Variants in CA12 observed in about 807,000 individuals in gnomAD.
The protein encoded by CA12 is carbonate dehydratase XII.
A neutral mutation model predicts 46.8 loss-of-function variants in CA12; 36 were observed. The observed-to-expected ratio is 0.77, with a 90% CI of 0.59 to 1.02. CA12 has a LOEUF of 1.02. CA12 is among the 50% of genes least tolerant of loss of function. CA12 has a pLI of 0.00. For synonymous variants in CA12, 202 were observed against 187.0 expected (o/e 1.08, Z -0.65); for missense variants, 436 against 451.4 (o/e 0.97, Z 0.31).
At chr15:63,346,887 C>T (rs72748934) in intron 2 of CA12, among the ~76,000 whole-genome samples, 178 bp from the exon 3 acceptor site, 3 of 152,230 alleles carry the variant, frequency 2.0e-5, no homozygotes, top group Non-Finnish European at 4.4e-5. Context: ...CACTCAGGAC[C>T]ACCTGCTCTT....
rs576688165 is a variant in CA12 at position 63,354,870 on chromosome 15, C to T, written c.107-8161G>A. 5.3e-5 allele frequency among the ~76,000 whole-genome samples: 8 copies of T among 152,244 alleles called. No individual in the cohort carries two copies. In the East Asian group the frequency reaches 7.7e-4, roughly 15 times the overall value. ...CTCAGGAAGTCCTTCTCCTCCACCC[C>T]GCCAATAATCCCCGTCTAATATTGC... On this transcript the variant is annotated intron_variant, in intron 2 of 10. Transcript: ENST00000178638.
At chr15:63,370,785 A>G (rs1006393829) in intron 2 of CA12, among the ~76,000 whole-genome samples, 16 of 151,222 alleles carry the variant, frequency 1.1e-4, no homozygotes, top group Non-Finnish European at 1.9e-4. Flanking sequence ...AAAAAAAAAG[A>G]AAAAAAAGAA....
In CA12 at chr15:63,340,095, T is replaced by C; in HGVS notation, c.747+193A>G. The stretch of plus-strand genomic sequence containing the variant: ...AAAGAACTAGGAGACATCTATTCAT[T>C]TGCCTAGCTTGACTTCTTTTGAAGC... On this transcript the variant is annotated intron_variant, in intron 7 of 10. Transcript: ENST00000178638. This position sits in a 1 kb window ranked among gnomAD's most constrained non-coding sequence, Gnocchi z 4.4. 1 of 671,276 alleles carries C rather than the reference T, an allele frequency of 1.5e-6. No individual in the cohort carries two copies. The highest frequency in any genetic ancestry group is 2.8e-5 in the East Asian group (1 of 36,234). The allele number at this position is 671,276 out of a possible 1,614,324, so 41.6% of individuals were successfully genotyped here. A position where few individuals can be genotyped will look rare whatever the true frequency, so the allele number is the denominator to read the frequency against.
intron 4 of CA12, 24 bp from the exon 5 acceptor site, chr15:63,342,121 AT>A: frequency 6.8e-7 from 1 of 1,470,058 alleles, no homozygotes; most frequent in Non-Finnish European, 9.5e-7. Context: ...GAAGCCACCC[AT>A]TAGGAGATAA....
chr15:63,375,656 A>G lies in CA12; in HGVS notation c.106+2T>C. On this transcript the variant is annotated splice_donor_variant, in intron 2 of 10. Transcript: ENST00000178638. LOFTEE classifies it high-confidence loss of function. ...AAAAAAGTATTTAAAATCTCTACTT[A>G]CCAAAATAAGTCCACTTGGAACCTA... 6.4e-7 allele frequency: 1 copy of G among 1,556,460 alleles called. No homozygotes were observed. Among genetic ancestry groups the G allele is most frequent in the African/African-American group, 1.4e-5 (1 of 73,926 alleles).
At chr15:63,359,512 TACACACAC>T in intron 2 of CA12, among the ~76,000 whole-genome samples, 1 of 151,386 alleles carries the variant, frequency 6.6e-6, no homozygotes, top group South Asian at 2.1e-4. Context: ...CATATATATG[TACACACAC>T]ACACACATAC....
rs1448913671 is a variant in CA12 at position 63,355,575 on chromosome 15, C to T, written c.107-8866G>A. Among the ~76,000 whole-genome samples, 1 of 152,264 alleles carries T rather than the reference C, an allele frequency of 6.6e-6. No individual in the cohort carries two copies. The highest frequency in any genetic ancestry group is 2.4e-5 in the African/African-American group (1 of 41,474). On this transcript the variant is annotated intron_variant, in intron 2 of 10. Coordinates refer to ENST00000178638, the MANE Select transcript of CA12 (RefSeq NM_001218.5). The surrounding 1 kb of genome is among the most constrained non-coding windows in gnomAD (Gnocchi z 4.1). ...GAGAAGCGCTGCACTAGACTGTCAG[C>T]TCGCTTTCTGCATGCGTGTACACCT...
Position 63,322,730 on chromosome 15 carries a change from C to T in CA12, c.*3555G>A, listed in dbSNP as rs28516020. Reference sequence around the variant, plus strand: ...AGTGCTTCGTGGGAACTCTGGCTTCCCGGCTGTCTTCATGCCTGTGCGTGG... The same window carrying T: ...AGTGCTTCGTGGGAACTCTGGCTTCTCGGCTGTCTTCATGCCTGTGCGTGG... On this transcript the variant is annotated 3_prime_UTR_variant, in exon 11 of 11. Coordinates refer to ENST00000178638, the MANE Select transcript of CA12 (RefSeq NM_001218.5). The surrounding 1 kb of genome is among the most constrained non-coding windows in gnomAD (Gnocchi z 4.1). The T allele has an allele frequency of 0.012, 1,867 of 152,400 alleles. 47 individuals carry two copies. The highest frequency in any genetic ancestry group is 0.043 in the African/African-American group (1,775 of 41,572). 9.4% of individuals were successfully genotyped at this position (152,400 alleles called of 1,614,324 possible).
At position 63,348,783 on chromosome 15, in the gene CA12, A is replaced by G. The variant is rs1695948274; in HGVS notation, c.107-2074T>C. The stretch of plus-strand genomic sequence containing the variant: ...AGCCTCGTGAAGATAGGGACCCCTC[A>G]TCTTCGTCTCTGTGAACCCATATTA... On this transcript the variant is annotated intron_variant, in intron 2 of 10. Coordinates refer to ENST00000178638, the MANE Select transcript of CA12 (RefSeq NM_001218.5). This position sits in a 1 kb window ranked among gnomAD's most constrained non-coding sequence, Gnocchi z 4.6. 6.6e-6 allele frequency among the ~76,000 whole-genome samples: 1 copy of G among 152,250 alleles called. No individual in the cohort carries two copies.
At chr15:63,359,607 A>C (rs960437223) in intron 2 of CA12, among the ~76,000 whole-genome samples, 1 of 152,208 alleles carries the variant, frequency 6.6e-6, no homozygotes, top group African/African-American at 2.4e-5. Flanking sequence ...ATCGAGGGAC[A>C]TTCTCTAAGA....
rs1275660135 is a variant in CA12 at position 63,381,685 on chromosome 15, G to A, written c.36C>T (p.Leu12=). The A allele has an allele frequency of 4.3e-6, 7 of 1,609,630 alleles. No homozygotes were observed. Among genetic ancestry groups the A allele is most frequent in the Admixed American group, 3.3e-5 (2 of 59,738 alleles). Residue 12 remains leucine, a synonymous_variant, in exon 1 of 11, where the codon CTC becomes CTT. Transcript: ENST00000178638. The part of the protein sequence containing the change: ...PRRSLHAAAV[L]LLVILKEQPS... The stretch of plus-strand genomic sequence containing the variant: ...GCTGTTCCTTTAAGATCACCAGCAG[G>A]AGCACGGCCGCCGCGTGCAGGCTGC...
chr15:63,363,354 A>G (rs1238311760), intron 2 of CA12, among the ~76,000 whole-genome samples: 1 of 152,178 alleles, frequency 6.6e-6, no homozygotes, highest in Non-Finnish European at 1.5e-5. Flanking sequence ...TGAGTCCCAG[A>G]GCCAAAAATT....
intron 2 of CA12, among the ~76,000 whole-genome samples, chr15:63,363,379 C>G (rs2152623820): frequency 6.6e-6 from 1 of 152,306 alleles, no homozygotes; most frequent in East Asian, 1.9e-4. Context: ...GAGAAATAAC[C>G]CATTCTTTCC....
Position 63,325,966 on chromosome 15 carries a change from C to T in CA12, c.*319G>A, listed in dbSNP as rs1216081232. On this transcript the variant is annotated 3_prime_UTR_variant, in exon 11 of 11. Transcript: ENST00000178638. The surrounding 1 kb of genome is among the most constrained non-coding windows in gnomAD (Gnocchi z 4.9). Reference sequence around the variant, plus strand: ...CAAAGCCCCGGATGAAAGTGTTTTCCAACCATTAATGGCCCACCAGCATGG... The same window carrying T: ...CAAAGCCCCGGATGAAAGTGTTTTCTAACCATTAATGGCCCACCAGCATGG... 1 of 367,168 alleles carries T rather than the reference C, an allele frequency of 2.7e-6. No individual in the cohort carries two copies. Among genetic ancestry groups the T allele is most frequent in the Non-Finnish European group, 5.2e-6 (1 of 193,790 alleles). The allele number at this position is 367,168 out of a possible 1,614,324, so 22.7% of individuals were successfully genotyped here.
In CA12 at chr15:63,327,994, C is replaced by A; in HGVS notation, c.907+104G>T. 9.0e-7 allele frequency: 1 copy of A among 1,108,144 alleles called. No individual in the cohort carries two copies. Among genetic ancestry groups the A allele is most frequent in the Non-Finnish European group, 1.4e-6 (1 of 725,044 alleles). 68.6% of individuals were successfully genotyped at this position (1,108,144 alleles called of 1,614,324 possible). On this transcript the variant is annotated intron_variant, in intron 9 of 10. Coordinates refer to ENST00000178638, the MANE Select transcript of CA12 (RefSeq NM_001218.5). The surrounding 1 kb of genome is among the most constrained non-coding windows in gnomAD (Gnocchi z 4.5). ...CCATAGCAAGGAGAGGGCCAGGAGCCAGAGCAATAGTACAGAGAAGCAGAG... is the reference window on the plus strand; with the variant it reads ...CCATAGCAAGGAGAGGGCCAGGAGCAAGAGCAATAGTACAGAGAAGCAGAG...
At position 63,363,393 on chromosome 15, in the gene CA12, A is replaced by G. The variant is rs368617898; in HGVS notation, c.106+12265T>C. On this transcript the variant is annotated intron_variant, in intron 2 of 10. Transcript: ENST00000178638. ...AGAGAAATAACCCATTCTTTCCTCA[A>G]TCATCAACAAGTGTTTCCTGAGCAC... Among the ~76,000 whole-genome samples the G allele has an allele frequency of 1.0e-3, 159 of 152,320 alleles. No homozygotes were observed. The South Asian group carries it at 0.029, about 28-fold the overall frequency.
At chr15:63,359,942 G>C (rs1463748819) in intron 2 of CA12, among the ~76,000 whole-genome samples, 1 of 152,140 alleles carries the variant, frequency 6.6e-6, no homozygotes, top group East Asian at 1.9e-4. Context: ...GTGGCTCCTT[G>C]AGATAAATAT....
chr15:63,376,796 C>A (rs963194847), intron 1 of CA12, among the ~76,000 whole-genome samples: 1 of 151,822 alleles, frequency 6.6e-6, no homozygotes, highest in African/African-American at 2.4e-5. Context: ...GCGCGCACCA[C>A]CACACCTGGC....
In CA12 at chr15:63,330,524, G is replaced by C. The variant is rs2038924806; in HGVS notation, c.875-2394C>G. On this transcript the variant is annotated intron_variant, in intron 8 of 10. Transcript: ENST00000178638. This position sits in a 1 kb window ranked among gnomAD's most constrained non-coding sequence, Gnocchi z 4.0. ...CCACCTGGCTAAGCCATCCAGGCTGGATGGTTTCTAAAGTCATCTCTTTCA... is the reference window on the plus strand; with the variant it reads ...CCACCTGGCTAAGCCATCCAGGCTGCATGGTTTCTAAAGTCATCTCTTTCA... 6.6e-5 allele frequency among the ~76,000 whole-genome samples: 10 copies of C among 152,330 alleles called. No individual in the cohort carries two copies. In the South Asian group the frequency reaches 2.1e-3, roughly 32 times the overall value.
Sources: gnomAD v4.1 joint callset for allele counts (sites outside exome capture counted in the v4.1 genomes callset) on GRCh38, gnomAD v4.1.1 for gene constraint, Gnocchi (gnomAD v3.1) non-coding constraint, MANE v1.5 for transcripts, NCBI Gene and HGNC (gene_info 2026-07-23, HGNC 2026-07-21) for gene names.